Variants in IL1RAP observed in about 807,000 individuals in gnomAD.
IL1RAP encodes the protein interleukin 1 receptor accessory protein, also known as interleukin-1 receptor accessory protein.
IL1RAP carries 35 observed loss-of-function variants against 60.7 expected under a neutral mutation model. The ratio of observed to expected loss-of-function variants is 0.58; its 90% CI spans 0.44 to 0.76. The LOEUF is 0.76. Ranked by LOEUF, IL1RAP falls within the 30% of genes least tolerant of loss-of-function variation. IL1RAP has a pLI of 0.00. For missense variants in IL1RAP, 572 were observed against 693.9 expected (o/e 0.82, Z 1.97); for synonymous variants, 268 against 250.9 (o/e 1.07, Z -0.64).
chr3:190,580,047 A>C (rs946245637), intron 3 of IL1RAP, among the ~76,000 whole-genome samples: 1 of 152,320 alleles, frequency 6.6e-6, no homozygotes, highest in East Asian at 1.9e-4. Flanking sequence ...TATGTGTACA[A>C]GTTTTTGTGT....
At position 190,651,084 on chromosome 3, in the gene IL1RAP, GTT is replaced by G. The variant is rs917562073; in HGVS notation, c.*2380_*2381del. ...ATTTGTTTCAAGATTTTTTTTTAAT[GTT>G]CCAGAAGATGGCCAATAGAGAACAT... On this transcript the variant is annotated 3_prime_UTR_variant, in exon 12 of 12. Transcript: ENST00000447382. 5.3e-5 allele frequency: 52 copies of G among 984,680 alleles called. No homozygotes were observed. In the African/African-American group the frequency reaches 6.1e-4, roughly 12 times the overall value. The allele number at this position is 984,680 out of a possible 1,614,324, so 61.0% of individuals were successfully genotyped here.
chr3:190,523,079 G>A (rs1722226843), intron 1 of IL1RAP, among the ~76,000 whole-genome samples: 1 of 152,122 alleles, frequency 6.6e-6, no homozygotes, highest in South Asian at 2.1e-4. Flanking sequence ...GAAATACCTT[G>A]CATGACTTTG....
At chr3:190,605,126 C>T (rs1257390714) in intron 4 of IL1RAP, among the ~76,000 whole-genome samples, 2 of 152,060 alleles carry the variant, frequency 1.3e-5, no homozygotes, top group Non-Finnish European at 2.9e-5. Context: ...ATATGTATGA[C>T]AATGCTTTTT....
chr3:190,564,446 A>G (rs1221661108), intron 3 of IL1RAP, 93 bp downstream of exon 3: 5 of 812,018 alleles, frequency 6.2e-6, no homozygotes, highest in Non-Finnish European at 1.1e-5. Context: ...AATAAACATA[A>G]TGTTATTCAT....
intron 1 of IL1RAP, among the ~76,000 whole-genome samples, chr3:190,516,613 G>A (rs535229372): frequency 6.6e-6 from 1 of 152,276 alleles, no homozygotes; most frequent in African/African-American, 2.4e-5. Context: ...AAGGAGCCCA[G>A]GTTTTGTGGT....
intron 5 of IL1RAP, among the ~76,000 whole-genome samples, chr3:190,616,547 TTATC>T (rs570825808): frequency 3.4e-4 from 52 of 152,302 alleles, no homozygotes; most frequent in African/African-American, 1.2e-3. Flanking sequence ...AGTGACTAGT[TTATC>T]TAACTCTTCT....
At chr3:190,540,840 CA>C (rs1261244068) in intron 1 of IL1RAP, among the ~76,000 whole-genome samples, 1 of 152,052 alleles carries the variant, frequency 6.6e-6, no homozygotes, top group African/African-American at 2.4e-5. Flanking sequence ...TAAGAGATGG[CA>C]AAGACAGAAA....
At chr3:190,579,694 C>T (rs1490834447) in intron 3 of IL1RAP, among the ~76,000 whole-genome samples, 1 of 152,138 alleles carries the variant, frequency 6.6e-6, no homozygotes, top group Non-Finnish European at 1.5e-5. Flanking sequence ...CATTTCATCA[C>T]CCCAAAACGA....
intron 2 of IL1RAP, among the ~76,000 whole-genome samples, chr3:190,562,246 G>A (rs1342296545): frequency 6.6e-6 from 1 of 152,124 alleles, no homozygotes; most frequent in African/African-American, 2.4e-5. Flanking sequence ...CAGTTCAAAT[G>A]TCACCTCTTG....
chr3:190,577,409 G>A (rs1278360888), intron 3 of IL1RAP, among the ~76,000 whole-genome samples: 5 of 152,148 alleles, frequency 3.3e-5, no homozygotes, highest in Admixed American at 6.5e-5. Flanking sequence ...GTTGGCTTTG[G>A]TAAGAGTTTT....
intron 6 of IL1RAP, 126 bp downstream of exon 6, chr3:190,620,566 T>A: frequency 1.2e-6 from 1 of 804,196 alleles, no homozygotes; most frequent in Non-Finnish European, 2.0e-6. Context: ...TTGTTTACAG[T>A]ACTGTCTCTA....
rs759830839 is a variant in IL1RAP, at chr3:190,599,434, G to T, written c.65-4694G>T. ...TCGCTTCATTATCTTCTAGTTTCCAGTCTTGTGTTTGGGAGTTCCCAAACC... is the reference window on the plus strand; with the variant it reads ...TCGCTTCATTATCTTCTAGTTTCCATTCTTGTGTTTGGGAGTTCCCAAACC... On this transcript the variant is annotated intron_variant, in intron 3 of 11. Transcript: ENST00000447382. 2.6e-5 allele frequency among the ~76,000 whole-genome samples: 4 copies of T among 150,988 alleles called. 1 individual carries two copies. In the South Asian group the frequency reaches 8.4e-4, roughly 32 times the overall value.
intron 3 of IL1RAP, among the ~76,000 whole-genome samples, chr3:190,568,468 T>C (rs972597880): frequency 1.3e-5 from 2 of 152,234 alleles, no homozygotes; most frequent in African/African-American, 4.8e-5. Flanking sequence ...TCCTTTTCCA[T>C]TATATTTTAC....
intron 11 of IL1RAP, among the ~76,000 whole-genome samples, chr3:190,646,423 G>A (rs1245827219): frequency 6.6e-6 from 1 of 151,578 alleles, no homozygotes; most frequent in Non-Finnish European, 1.5e-5. Context: ...TTTTCCTTGG[G>A]TCTATTTCTT....
chr3:190,626,547 C>T (rs1426981038), intron 7 of IL1RAP, among the ~76,000 whole-genome samples: 6 of 152,068 alleles, frequency 3.9e-5, no homozygotes, highest in African/African-American at 1.4e-4. Context: ...CCCCATCTTT[C>T]CTGGCCAAGG....
At chr3:190,637,473 CAT>C (rs1446978882) in intron 9 of IL1RAP, among the ~76,000 whole-genome samples, 2 of 152,110 alleles carry the variant, frequency 1.3e-5, no homozygotes, top group Admixed American at 6.5e-5. Flanking sequence ...TGCTTTATCA[CAT>C]GTCTATTCAT....
intron 4 of IL1RAP, among the ~76,000 whole-genome samples, chr3:190,605,807 T>C (rs1730275425): frequency 1.3e-5 from 2 of 152,186 alleles, no homozygotes. Context: ...TATGACCTCA[T>C]TTGAGCTCAG....
intron 9 of IL1RAP, among the ~76,000 whole-genome samples, chr3:190,631,377 T>A (rs1424920261): frequency 6.6e-6 from 1 of 152,180 alleles, no homozygotes; most frequent in Non-Finnish European, 1.5e-5. Context: ...CAGAAGCCCC[T>A]GCTCTAAATG....
In IL1RAP at chr3:190,648,988, C is replaced by T. The variant is rs1255669711; in HGVS notation, c.*283C>T. 4 of 1,117,732 alleles carry T rather than the reference C, an allele frequency of 3.6e-6. No individual in the cohort carries two copies. The highest frequency in any genetic ancestry group is 4.4e-6 in the Non-Finnish European group (4 of 914,798). 69.2% of individuals were successfully genotyped at this position (1,117,732 alleles called of 1,614,324 possible). ...AATTTCCCCTTCTACATTGTCTATC[C>T]CTGTTTTTATATGTCTCCATTCTTT... On this transcript the variant is annotated 3_prime_UTR_variant, in exon 12 of 12. Transcript: ENST00000447382.
Sources: gnomAD v4.1 joint callset for allele counts (sites outside exome capture counted in the v4.1 genomes callset) on GRCh38, gnomAD v4.1.1 for gene constraint, MANE v1.5 for transcripts, NCBI Gene and HGNC (gene_info 2026-07-23, HGNC 2026-07-21) for gene names.